Variants in STOX2 observed in about 807,000 individuals in gnomAD.
STOX2 encodes the protein storkhead box 2.
In STOX2, 28 loss-of-function variants were observed where a neutral mutation model predicts 60.9. The observed-to-expected ratio is 0.46, with a 90% confidence interval of 0.34 to 0.63. STOX2 has a LOEUF of 0.63. Among genes scored for constraint, STOX2 ranks in the 30% least tolerant of loss-of-function variants. STOX2 has a pLI of 0.01. For missense variants in STOX2, 1,024 were observed against 1,187.7 expected, an observed-to-expected ratio of 0.86 and a Z score of 2.03; for synonymous variants, 472 against 463.9, an observed-to-expected ratio of 1.02 and a Z score of -0.22.
intron 1 of STOX2, among the ~76,000 whole-genome samples, chr4:183,873,378 G>A (rs1376385878): frequency 1.3e-5 from 2 of 151,618 alleles, no homozygotes; most frequent in Non-Finnish European, 2.9e-5. Context: ...TCTGGGAGGC[G>A]GAGGTTGCGG....
chr4:183,874,654 C>T (rs570752625), intron 1 of STOX2, among the ~76,000 whole-genome samples: 6 of 151,670 alleles, frequency 4.0e-5, no homozygotes, highest in South Asian at 2.1e-4. Context: ...TGGCCGGGCG[C>T]GGTGGCTCAC....
chr4:183,825,524 A>G lies in STOX2; in HGVS notation c.364+27469A>G, dbSNP rs6854069. ...GGTGAATAGACGTTCCTTCAGGCCC[A>G]AGTGCAGGCAGCCACCCTCGCTGTA... On this transcript the variant is annotated intron_variant, in intron 1 of 2. Coordinates refer to the STOX2 transcript ENST00000513034. This position sits in a 1 kb window ranked among gnomAD's most constrained non-coding sequence, Gnocchi z 4.1. 0.99 allele frequency among the ~76,000 whole-genome samples: 151,024 copies of G among 152,302 alleles called. 74,897 individuals carry two copies. Among genetic ancestry groups the G allele is most frequent in the Middle Eastern group, 1 (294 of 294 alleles).
At chr4:183,801,046 C>A (rs1738753291) in intron 1 of STOX2, among the ~76,000 whole-genome samples, 2 of 152,214 alleles carry the variant, frequency 1.3e-5, no homozygotes, top group South Asian at 4.1e-4. Context: ...GTGTTGAAAT[C>A]ATAAGCATTT....
At position 184,017,580 on chromosome 4, in the gene STOX2, C is replaced by T. The variant is rs1269409148; in HGVS notation, c.*296C>T. 4.1e-5 allele frequency: 9 copies of T among 220,878 alleles called. No homozygotes were observed. The highest frequency in any genetic ancestry group is 1.5e-4 in the South Asian group (1 of 6,714). The allele number at this position is 220,878 out of a possible 1,614,324, so 13.7% of individuals were successfully genotyped here. On this transcript the variant is annotated 3_prime_UTR_variant, in exon 4 of 4. Coordinates refer to ENST00000308497, the MANE Select transcript of STOX2 (RefSeq NM_020225.3). ...AAGTCTAGACACTGTAAGTGTAATA[C>T]GCATTTTCAATGTCATGCAGTTGCC...
At chr4:183,949,041 A>T (rs918597858) in intron 1 of STOX2, among the ~76,000 whole-genome samples, 1 of 152,186 alleles carries the variant, frequency 6.6e-6, no homozygotes, top group Non-Finnish European at 1.5e-5. Flanking sequence ...GATATCCACT[A>T]AGCAGAGGTC....
intron 1 of STOX2, among the ~76,000 whole-genome samples, chr4:183,980,489 C>T (rs1368912365): frequency 6.6e-6 from 1 of 152,082 alleles, no homozygotes; most frequent in African/African-American, 2.4e-5. Flanking sequence ...GGAAAGCAGC[C>T]CTTGGAAGGT....
intron 1 of STOX2, among the ~76,000 whole-genome samples, chr4:183,963,736 G>A (rs60728738): frequency 0.096 from 13,815 of 144,584 alleles, 1,122 homozygotes; most frequent in African/African-American, 0.23. Context: ...TAAAAATGTT[G>A]TATTATTTCT....
At position 183,974,179 on chromosome 4, in the gene STOX2, T is replaced by G. The variant is rs577334419; in HGVS notation, c.167-27146T>G. Among the ~76,000 whole-genome samples the G allele has an allele frequency of 8.9e-4, 136 of 152,184 alleles. 1 individual carries two copies. Among genetic ancestry groups the G allele is most frequent in the South Asian group, 7.7e-3 (37 of 4,814 alleles). On this transcript the variant is annotated intron_variant, in intron 1 of 3. Transcript: ENST00000308497. The stretch of plus-strand genomic sequence containing the variant: ...TCTAAGTAGACTGTGAAAAGTTAAG[T>G]ATATATATTTGAAATGTGTAGAGCA...
chr4:183,829,038 G>C (rs1426003076), intron 1 of STOX2, among the ~76,000 whole-genome samples: 1 of 152,220 alleles, frequency 6.6e-6, no homozygotes, highest in Non-Finnish European at 1.5e-5. Context: ...GCTGATTTCA[G>C]CTGTTTTATG....
At chr4:183,988,688 C>T (rs1351596348) in intron 1 of STOX2, 1 of 152,646 alleles carries the variant, frequency 6.6e-6, no homozygotes, top group Non-Finnish European at 1.5e-5. Flanking sequence ...ACTCTTTCTT[C>T]TTATTCCAGA....
intron 1 of STOX2, among the ~76,000 whole-genome samples, chr4:183,809,229 G>A (rs1467479627): frequency 6.6e-6 from 1 of 151,484 alleles, no homozygotes; most frequent in African/African-American, 2.4e-5. Context: ...CTACAGGCAT[G>A]AGCCACCACA....
At chr4:183,890,827 G>A (rs1191224708) in intron 1 of STOX2, among the ~76,000 whole-genome samples, 1 of 152,206 alleles carries the variant, frequency 6.6e-6, no homozygotes, top group Non-Finnish European at 1.5e-5. Flanking sequence ...ATTCAATAAG[G>A]CTGGTTGCGG....
chr4:183,996,874 TA>T (rs1272908059), intron 1 of STOX2, among the ~76,000 whole-genome samples: 2 of 152,220 alleles, frequency 1.3e-5, no homozygotes, highest in Non-Finnish European at 2.9e-5. Context: ...ATTGCATGGG[TA>T]AACTTATTTG....
intron 2 of STOX2, among the ~76,000 whole-genome samples, chr4:184,002,539 C>T (rs1050848370): frequency 6.6e-6 from 1 of 152,172 alleles, no homozygotes; most frequent in African/African-American, 2.4e-5. Context: ...CAGGTGGGGC[C>T]CAGCAGGGTA....
Position 183,998,474 on chromosome 4 carries a change from G to A in STOX2, c.167-2851G>A, listed in dbSNP as rs188623840. 2.1e-3 allele frequency among the ~76,000 whole-genome samples: 320 copies of A among 152,272 alleles called. 1 individual carries two copies. The highest frequency in any genetic ancestry group is 7.5e-3 in the African/African-American group (313 of 41,552). ...GCGGTACGGAGGGCAGAGTCAAACAGGTGAACTTCCCAACTCCCACCTCTG... is the reference window on the plus strand; with the variant it reads ...GCGGTACGGAGGGCAGAGTCAAACAAGTGAACTTCCCAACTCCCACCTCTG... On this transcript the variant is annotated intron_variant, in intron 1 of 3. Transcript: ENST00000308497.
chr4:183,972,111 A>G (rs1743758927), intron 1 of STOX2, among the ~76,000 whole-genome samples: 1 of 152,208 alleles, frequency 6.6e-6, no homozygotes. Context: ...CCCAACCCAT[A>G]GCCAGTCCTG....
intron 1 of STOX2, among the ~76,000 whole-genome samples, chr4:183,838,485 C>T (rs1739768711): frequency 1.3e-5 from 2 of 151,970 alleles, no homozygotes; most frequent in African/African-American, 2.4e-5. Context: ...TAAATTACAT[C>T]GAGATGAACA....
At chr4:183,966,215 G>A (rs564223552) in intron 1 of STOX2, among the ~76,000 whole-genome samples, 1 of 152,272 alleles carries the variant, frequency 6.6e-6, no homozygotes, top group East Asian at 1.9e-4. Flanking sequence ...GCCCCTGTGG[G>A]GCACATAGCT....
At position 183,949,013 on chromosome 4, in the gene STOX2, A is replaced by G. The variant is rs1430718318; in HGVS notation, c.166+42057A>G. Among the ~76,000 whole-genome samples the G allele has an allele frequency of 3.3e-5, 5 of 152,190 alleles. 1 individual carries two copies. The East Asian group carries it at 9.6e-4, about 29-fold the overall frequency. ...ACAAGGATGCTAATTCCTGGAGACT[A>G]TAAGAAAAATAATAAGTGATATCCA... On this transcript the variant is annotated intron_variant, in intron 1 of 3. Coordinates refer to ENST00000308497, the MANE Select transcript of STOX2 (RefSeq NM_020225.3).
Sources: gnomAD v4.1 joint callset for allele counts (sites outside exome capture counted in the v4.1 genomes callset) on GRCh38, gnomAD v4.1.1 for gene constraint, Gnocchi (gnomAD v3.1) non-coding constraint, MANE v1.5 for transcripts, NCBI Gene and HGNC (gene_info 2026-07-23, HGNC 2026-07-21) for gene names.